The following DIP2B variants were observed in gnomAD, a reference collection of about 807,000 sequenced individuals.
The protein encoded by DIP2B is DIP2 acetate--CoA ligase B (putative), also known as disco-interacting protein 2 homolog B.
DIP2B carries 76 observed loss-of-function variants against 198.0 expected under a neutral mutation model. The observed-to-expected ratio is 0.38, with a 90% CI of 0.32 to 0.46. DIP2B has a LOEUF of 0.46. Among genes scored for constraint, DIP2B ranks in the 20% least tolerant of loss-of-function variants. The pLI, the probability that DIP2B is intolerant of heterozygous loss-of-function variation, is 0.99. For synonymous variants in DIP2B, 701 were observed against 739.1 expected (o/e 0.95, Z 0.84); for missense variants, 1,559 against 1,978.4 (o/e 0.79, Z 4.02).
chr12:50,594,246 C>G (rs1256022009), intron 1 of DIP2B, among the ~76,000 whole-genome samples: 1 of 151,944 alleles, frequency 6.6e-6, no homozygotes, highest in Non-Finnish European at 1.5e-5. Flanking sequence ...ACCCAGCCTC[C>G]TTTGTTTCTT....
intron 1 of DIP2B, among the ~76,000 whole-genome samples, chr12:50,605,428 G>A (rs1958973067): frequency 6.6e-6 from 1 of 152,116 alleles, no homozygotes. Context: ...GCCATGCAGG[G>A]TGGTGTGTGT....
At chr12:50,676,955 G>T (rs1938956481) in intron 7 of DIP2B, among the ~76,000 whole-genome samples, 1 of 152,170 alleles carries the variant, frequency 6.6e-6, no homozygotes, top group Non-Finnish European at 1.5e-5. Context: ...GCAAATTGGG[G>T]AGTGAAACTA....
intron 1 of DIP2B, among the ~76,000 whole-genome samples, chr12:50,610,763 C>T (rs1017282048): frequency 1.3e-5 from 2 of 152,080 alleles, no homozygotes; most frequent in East Asian, 1.9e-4. Flanking sequence ...GCCTCAGCCT[C>T]CCAAAGTGCT....
At chr12:50,506,459 A>T (rs1266406311) in intron 1 of DIP2B, among the ~76,000 whole-genome samples, 1 of 152,246 alleles carries the variant, frequency 6.6e-6, no homozygotes, top group Non-Finnish European at 1.5e-5. Context: ...GTTGAATGTT[A>T]TAAATCCTGT....
At chr12:50,573,875 G>A (rs1958636095) in intron 1 of DIP2B, among the ~76,000 whole-genome samples, 1 of 152,132 alleles carries the variant, frequency 6.6e-6, no homozygotes, top group Non-Finnish European at 1.5e-5. Context: ...AAAGTGACCA[G>A]AGATAAATAT....
intron 1 of DIP2B, among the ~76,000 whole-genome samples, chr12:50,608,939 C>T (rs372527230): frequency 2.6e-5 from 4 of 152,032 alleles, no homozygotes; most frequent in Admixed American, 6.5e-5. Context: ...GTCAGGAGTT[C>T]GAGACCAGCC....
intron 23 of DIP2B, 138 bp downstream of exon 23, chr12:50,714,734 G>A: frequency 1.0e-6 from 1 of 1,002,782 alleles, no homozygotes; most frequent in Non-Finnish European, 1.5e-6. Context: ...GAGCCCAGGA[G>A]CTCGAAAACA....
intron 1 of DIP2B, 43 bp from the exon 2 acceptor site, chr12:50,625,933 G>A (rs1486239804): frequency 1.9e-6 from 3 of 1,589,938 alleles, no homozygotes; most frequent in Non-Finnish European, 2.6e-6. Context: ...AAACCACAGA[G>A]TAAGAATAAT....
chr12:50,685,694 A>C, intron 10 of DIP2B, 139 bp from the exon 11 acceptor site: 1 of 949,226 alleles, frequency 1.1e-6, no homozygotes, highest in Non-Finnish European at 1.5e-6. Context: ...TTGTGATTGG[A>C]TTTTGACAAT....
At chr12:50,653,425 C>T (rs1387161254) in intron 3 of DIP2B, among the ~76,000 whole-genome samples, 2 of 144,216 alleles carry the variant, frequency 1.4e-5, no homozygotes, top group Non-Finnish European at 3.0e-5. Flanking sequence ...ACTACAGCCT[C>T]AGTTCTCCCA....
chr12:50,537,024 TC>T (rs1416959802), intron 1 of DIP2B, among the ~76,000 whole-genome samples: 4 of 151,446 alleles, frequency 2.6e-5, no homozygotes, highest in Admixed American at 6.6e-5. Context: ...TAATCTCCTT[TC>T]TCCCCTACCC....
intron 32 of DIP2B, among the ~76,000 whole-genome samples, chr12:50,733,680 C>G (rs1940088270): frequency 6.6e-6 from 1 of 152,172 alleles, no homozygotes. Flanking sequence ...CTCCAGCAAC[C>G]TGGGCAACAG....
At chr12:50,548,656 G>A (rs1235579169) in intron 1 of DIP2B, among the ~76,000 whole-genome samples, 1 of 152,158 alleles carries the variant, frequency 6.6e-6, no homozygotes, top group African/African-American at 2.4e-5. Flanking sequence ...CTCCCAAGTA[G>A]CTGGGACTAC....
rs570199283 is a variant in DIP2B, at chr12:50,714,338, A to G, written c.2650-57A>G. ...CGTAAAATAATGGATTATACCAGGA[A>G]TATGTCAAATGTAATAGAAGTGATC... On this transcript the variant is annotated intron_variant, in intron 22 of 37. Coordinates refer to ENST00000301180, the MANE Select transcript of DIP2B (RefSeq NM_173602.3). 146 of 1,595,344 alleles carry G rather than the reference A, an allele frequency of 9.2e-5. No homozygotes were observed. The South Asian group carries it at 1.0e-3, about 11-fold the overall frequency.
chr12:50,640,635 T>G, intron 2 of DIP2B, 89 bp from the exon 3 acceptor site: 1 of 1,433,086 alleles, frequency 7.0e-7, no homozygotes, highest in Non-Finnish European at 9.6e-7. Flanking sequence ...AGTACCTAGC[T>G]CAGAGTATTG....
rs144991438 is a variant in DIP2B at position 50,531,322 on chromosome 12, A to G, written c.100+26082A>G. ...CTCGGCCTCCCAGAGTGCTGGGATT[A>G]TAGGTGTGAGCCGCTGCACCCAGCC... On this transcript the variant is annotated intron_variant, in intron 1 of 37. Coordinates refer to ENST00000301180, the MANE Select transcript of DIP2B (RefSeq NM_173602.3). Among the ~76,000 whole-genome samples the G allele has an allele frequency of 2.7e-3, 411 of 152,284 alleles. 11 individuals are homozygous for G. In the East Asian group the frequency reaches 0.064, roughly 24 times the overall value.
chr12:50,512,890 C>G (rs1958030708), intron 1 of DIP2B, among the ~76,000 whole-genome samples: 1 of 152,100 alleles, frequency 6.6e-6, no homozygotes, highest in African/African-American at 2.4e-5. Flanking sequence ...ACCTGTAGTC[C>G]CAGCTACTCG....
chr12:50,681,417 G>A (rs1038467431), intron 9 of DIP2B, among the ~76,000 whole-genome samples: 1 of 151,902 alleles, frequency 6.6e-6, no homozygotes, highest in Non-Finnish European at 1.5e-5. Flanking sequence ...GTGGGCAACA[G>A]AGTGAGACCC....
intron 2 of DIP2B, among the ~76,000 whole-genome samples, chr12:50,630,495 G>A (rs967736562): frequency 5.3e-5 from 8 of 151,660 alleles, no homozygotes; most frequent in African/African-American, 1.5e-4. Context: ...AATCTTCCTT[G>A]TAAATTGTTT....
Sources: allele counts gnomAD v4.1 joint callset (sites outside exome capture counted in the v4.1 genomes callset), GRCh38; gene constraint gnomAD v4.1.1; transcripts MANE v1.5; gene names NCBI Gene and HGNC (gene_info 2026-07-23, HGNC 2026-07-21).